The following KCNA2 variants were observed in gnomAD, a reference collection of about 807,000 sequenced individuals.
The protein encoded by KCNA2 is potassium voltage-gated channel subfamily A member 2.
In KCNA2, 11 loss-of-function variants were observed where a neutral mutation model predicts 33.4. That is an observed-to-expected ratio of 0.33 (90% CI 0.21 to 0.55). The LOEUF (loss-of-function observed/expected upper bound fraction) is 0.55, where lower values mean the gene tolerates loss of function less well. Ranked by LOEUF, KCNA2 falls within the 20% of genes least tolerant of loss-of-function variation. KCNA2 has a pLI of 0.93. For missense variants in KCNA2, 291 were observed against 621.6 expected, an observed-to-expected ratio of 0.47 and a Z score of 5.66; for synonymous variants, 222 against 231.3, an observed-to-expected ratio of 0.96 and a Z score of 0.37.
chr1:110,624,512 G>A (rs1382197894), intron 1 of KCNA2, among the ~76,000 whole-genome samples: 1 of 152,206 alleles, frequency 6.6e-6, no homozygotes, highest in African/African-American at 2.4e-5. Flanking sequence ...ACAAGTGGCA[G>A]GAGTGAACTT....
intron 1 of KCNA2, among the ~76,000 whole-genome samples, chr1:110,611,746 G>T (rs1649881012): frequency 6.6e-6 from 1 of 151,658 alleles, no homozygotes; most frequent in South Asian, 2.1e-4. Context: ...AAAAAGGCTG[G>T]GTATAGTGGT....
Position 110,597,511 on chromosome 1 carries a change from C to G in KCNA2, c.*5772G>C, listed in dbSNP as rs1460963862. ...GAGGGGACAGAGACACACATGGAGA[C>G]AGAGAGGTGCACACAGGAAGGAGAC... is the stretch of plus-strand genomic sequence containing the variant. On this transcript the variant is annotated 3_prime_UTR_variant, in exon 3 of 3. Transcript: ENST00000316361. 1 of 985,174 alleles carries G rather than the reference C, an allele frequency of 1.0e-6. No homozygotes were observed. Among genetic ancestry groups the G allele is most frequent in the Non-Finnish European group, 1.2e-6 (1 of 829,884 alleles). 61.0% of individuals were successfully genotyped at this position (985,174 alleles called of 1,614,324 possible). A position where few individuals can be genotyped will look rare whatever the true frequency, so the allele number is the denominator to read the frequency against.
Position 110,620,053 on chromosome 1 carries a change from C to CGAGAGAGAGAGA in KCNA2, c.-496+11330_-496+11341dup, listed in dbSNP as rs3050013. Among the ~76,000 whole-genome samples, 443 of 126,780 alleles carry CGAGAGAGAGAGA rather than the reference C, an allele frequency of 3.5e-3. 4 individuals are homozygous for CGAGAGAGAGAGA. Among genetic ancestry groups the CGAGAGAGAGAGA allele is most frequent in the South Asian group, 0.011 (41 of 3,654 alleles). The allele number at this position is 126,780 out of a possible 152,430, so 83.2% of individuals were successfully genotyped here. On this transcript the variant is annotated intron_variant, in intron 1 of 4. Transcript: ENST00000369770. ...CTTAATGAGAGAGAGAGAGCGAGAG[C>CGAGAGAGAGAGA]GAGAGAGAGAGAGAGAGAGAGAGAG...
In KCNA2 at chr1:110,597,061, A is replaced by G. The variant is rs1163970513; in HGVS notation, c.*6222T>C. 1 of 985,370 alleles carries G rather than the reference A, an allele frequency of 1.0e-6. No individual in the cohort carries two copies. Among genetic ancestry groups the G allele is most frequent in the Non-Finnish European group, 1.2e-6 (1 of 829,934 alleles). The allele number at this position is 985,370 out of a possible 1,614,324, so 61.0% of individuals were successfully genotyped here. A position where few individuals can be genotyped will look rare whatever the true frequency, so the allele number is the denominator to read the frequency against. On this transcript the variant is annotated 3_prime_UTR_variant, in exon 3 of 3. Coordinates refer to ENST00000316361, the MANE Select transcript of KCNA2 (RefSeq NM_004974.4). ...ACCACCCAAACTTCTATCCCTGTAG[A>G]CTTCTACTGAAACCCACAAGAACCT...
In KCNA2 at chr1:110,598,773, G is replaced by C. The variant is rs769712160; in HGVS notation, c.*4510C>G. Reference sequence around the variant, plus strand: ...AGAGGCAAGCAGAGAAGAAGGAAGAGAGCATGTCAAATATTACTGAAGTTT... The same window carrying C: ...AGAGGCAAGCAGAGAAGAAGGAAGACAGCATGTCAAATATTACTGAAGTTT... On this transcript the variant is annotated 3_prime_UTR_variant, in exon 3 of 3. Transcript: ENST00000316361. The C allele has an allele frequency of 1.4e-5, 14 of 985,156 alleles. No individual in the cohort carries two copies. The highest frequency in any genetic ancestry group is 1.7e-5 in the African/African-American group (1 of 57,152). The allele number at this position is 985,156 out of a possible 1,614,324, so 61.0% of individuals were successfully genotyped here.
rs777341654 is a variant in KCNA2 at position 110,601,981 on chromosome 1, G to C, written c.*1302C>G. On this transcript the variant is annotated 3_prime_UTR_variant, in exon 3 of 3. Transcript: ENST00000316361. ...TATCACTAGCTAGGTAGAGGAACGCGTGAAAGAGAGATACTCGATATATAT... is the reference window on the plus strand; with the variant it reads ...TATCACTAGCTAGGTAGAGGAACGCCTGAAAGAGAGATACTCGATATATAT... 5 of 1,531,400 alleles carry C rather than the reference G, an allele frequency of 3.3e-6. No individual in the cohort carries two copies. The Admixed American group carries it at 1.0e-4, about 31-fold the overall frequency. 94.9% of individuals were successfully genotyped at this position (1,531,400 alleles called of 1,614,324 possible). A position where few individuals can be genotyped will look rare whatever the true frequency, so the allele number is the denominator to read the frequency against.
chr1:110,623,294 T>G (rs1650305928), intron 1 of KCNA2, among the ~76,000 whole-genome samples: 2 of 152,150 alleles, frequency 1.3e-5, no homozygotes, highest in Admixed American at 6.5e-5. Context: ...CCTAATGTCA[T>G]AAACAAAAAT....
intron 1 of KCNA2, among the ~76,000 whole-genome samples, chr1:110,623,189 A>G (rs1441055064): frequency 1.3e-5 from 2 of 152,234 alleles, no homozygotes; most frequent in Non-Finnish European, 2.9e-5. Context: ...TTGATTTTTG[A>G]TAAAGATGCA....
At position 110,604,615 on chromosome 1, in the gene KCNA2, C is replaced by T. The variant is rs768793748; in HGVS notation, c.168G>A (p.Glu56=). Residue 56 remains glutamate, a synonymous_variant, in exon 3 of 3, where the codon GAG becomes GAA. Transcript: ENST00000316361. The surrounding 1 kb of genome is among the most constrained non-coding windows in gnomAD (Gnocchi z 7.6). ...TQLKTLAQFP[E]TLLGDPKKRM... is the part of the protein sequence containing the mutation. ...GTTTCTTTGGGTCCCCTAAGAGGGT[C>T]TCTGGAAACTGGGCTAAGGTCTTTA... The T allele has an allele frequency of 2.2e-5, 35 of 1,614,036 alleles. No homozygotes were observed. The highest frequency in any genetic ancestry group is 2.0e-4 in the Admixed American group (12 of 60,006).
Position 110,603,868 on chromosome 1 carries a change from G to A in KCNA2, c.915C>T (p.Phe305=), listed in dbSNP as rs776140578. 9.3e-6 allele frequency: 15 copies of A among 1,614,092 alleles called. No individual in the cohort carries two copies. The highest frequency in any genetic ancestry group is 1.3e-5 in the Non-Finnish European group (15 of 1,180,050). The change falls in exon 3 of 3, where the codon TTC becomes TTT. Residue 305 remains phenylalanine (F), a synonymous_variant. Transcript: ENST00000316361. This position sits in a 1 kb window ranked among gnomAD's most constrained non-coding sequence, Gnocchi z 5.7. ...GACCTTTGGAGTGTCTGGACAACTT[G>A]AAAATCCTAAAGACTCTTACCAACC... ...VIRLVRVFRI[F]KLSRHSKGLQ...
chr1:110,601,626 T>C lies in KCNA2; in HGVS notation c.*1657A>G, dbSNP rs768401613. ...AGGGCAGAAAGACAATTCTAACGTC[T>C]AGGAATCCATGGATACCGGAGTGTC... On this transcript the variant is annotated 3_prime_UTR_variant, in exon 3 of 3. Coordinates refer to ENST00000316361, the MANE Select transcript of KCNA2 (RefSeq NM_004974.4). 4.9e-5 allele frequency: 49 copies of C among 1,009,922 alleles called. No homozygotes were observed. The highest frequency in any genetic ancestry group is 5.8e-5 in the Admixed American group (1 of 17,138). 62.6% of individuals were successfully genotyped at this position (1,009,922 alleles called of 1,614,324 possible).
chr1:110,627,568 C>G (rs958275079), intron 1 of KCNA2, among the ~76,000 whole-genome samples: 1 of 152,090 alleles, frequency 6.6e-6, no homozygotes, highest in African/African-American at 2.4e-5. Flanking sequence ...AGGGCTAGCT[C>G]CTGGGTTTCT....
chr1:110,597,525 C>T lies in KCNA2; in HGVS notation c.*5758G>A. The T allele has an allele frequency of 2.0e-6, 2 of 985,258 alleles. No homozygotes were observed. Among genetic ancestry groups the T allele is most frequent in the Non-Finnish European group, 2.4e-6 (2 of 829,850 alleles). 61.0% of individuals were successfully genotyped at this position (985,258 alleles called of 1,614,324 possible). ...ACACATGGAGACAGAGAGGTGCACACAGGAAGGAGACAAAGTGACAAAGCC... is the reference window on the plus strand; with the variant it reads ...ACACATGGAGACAGAGAGGTGCACATAGGAAGGAGACAAAGTGACAAAGCC... On this transcript the variant is annotated 3_prime_UTR_variant, in exon 3 of 3. Coordinates refer to ENST00000316361, the MANE Select transcript of KCNA2 (RefSeq NM_004974.4).
chr1:110,604,201 G>A lies in KCNA2; in HGVS notation c.582C>T (p.Asp194=), dbSNP rs2101400875. 1 of 1,614,200 alleles carries A rather than the reference G, an allele frequency of 6.2e-7. No individual in the cohort carries two copies. Among genetic ancestry groups the A allele is most frequent in the Non-Finnish European group, 8.5e-7 (1 of 1,180,036 alleles). Residue 194 remains aspartate (D), a synonymous_variant, in exon 3 of 3, where the codon GAC becomes GAT. Coordinates refer to ENST00000316361, the MANE Select transcript of KCNA2 (RefSeq NM_004974.4). The surrounding 1 kb of genome is among the most constrained non-coding windows in gnomAD (Gnocchi z 7.6). ...GGAAGGTCACCCCACTACCATGCAT[G>A]TCTTCATTCTCATCCCGGAAGATGG... The part of the protein sequence containing the change: ...TLPIFRDENE[D]MHGSGVTFHT...
In KCNA2 at chr1:110,601,828, G is replaced by GTGTGTGTGTGTGTGTGTA. The variant is rs763912060; in HGVS notation, c.*1454_*1455insTACACACACACACACACA. 38 of 1,244,378 alleles carry GTGTGTGTGTGTGTGTGTA rather than the reference G, an allele frequency of 3.1e-5. No individual in the cohort carries two copies. In the East Asian group the frequency reaches 6.6e-4, roughly 21 times the overall value. The allele number at this position is 1,244,378 out of a possible 1,614,324, so 77.1% of individuals were successfully genotyped here. ...TGTGTGTGTGTGTGTGTGTGTGTGT[G>GTGTGTGTGTGTGTGTGTA]TATACATATACACACATATGTATGT... is the stretch of plus-strand genomic sequence containing the variant. On this transcript the variant is annotated 3_prime_UTR_variant, in exon 3 of 3. Coordinates refer to ENST00000316361, the MANE Select transcript of KCNA2 (RefSeq NM_004974.4).
chr1:110,628,150 G>C (rs574582999), intron 1 of KCNA2, among the ~76,000 whole-genome samples: 1 of 152,262 alleles, frequency 6.6e-6, no homozygotes, highest in South Asian at 2.1e-4. Flanking sequence ...TGCCCTGATG[G>C]GGGAAAAGAC....
chr1:110,608,686 C>G (rs549876187), upstream of KCNA2, among the ~76,000 whole-genome samples: 1 of 152,184 alleles, frequency 6.6e-6, no homozygotes, highest in African/African-American at 2.4e-5. Context: ...TTTAGAGCAC[C>G]TTGAACCTGG....
In KCNA2 at chr1:110,598,149, T is replaced by C. The variant is rs538119322; in HGVS notation, c.*5134A>G. The C allele has an allele frequency of 6.0e-6, 5 of 830,498 alleles. No homozygotes were observed. The highest frequency in any genetic ancestry group is 1.2e-4 in the East Asian group (1 of 8,086). 51.4% of individuals were successfully genotyped at this position (830,498 alleles called of 1,614,324 possible). ...CCGGCAATGGATACCTTGCCAAGGC[T>C]AGGGGAACCTCCATTGTGCAACCAA... is the stretch of plus-strand genomic sequence containing the variant. On this transcript the variant is annotated 3_prime_UTR_variant, in exon 3 of 3. Coordinates refer to ENST00000316361, the MANE Select transcript of KCNA2 (RefSeq NM_004974.4).
upstream of KCNA2, among the ~76,000 whole-genome samples, chr1:110,611,133 C>CCATGGAGGTG (rs1649858140): frequency 6.6e-6 from 1 of 152,054 alleles, no homozygotes; most frequent in Non-Finnish European, 1.5e-5. Context: ...AGGATAATAC[C>CCATGGAGGTG]CATGGAGGTG....
Sources: gnomAD v4.1 joint callset for allele counts (sites outside exome capture counted in the v4.1 genomes callset) on GRCh38, gnomAD v4.1.1 for gene constraint, Gnocchi (gnomAD v3.1) non-coding constraint, MANE v1.5 for transcripts, NCBI Gene and HGNC (gene_info 2026-07-23, HGNC 2026-07-21) for gene names.